TLL1: variants seen among roughly 807,000 people sequenced by gnomAD.
The protein encoded by TLL1 is tolloid like 1.
In TLL1, 49 loss-of-function variants were observed where a neutral mutation model predicts 128.2. The ratio of observed to expected loss-of-function variants is 0.38; its 90% CI spans 0.30 to 0.48. The LOEUF (loss-of-function observed/expected upper bound fraction) is 0.48. TLL1 is among the 20% of genes least tolerant of loss of function. The probability of loss-of-function intolerance (pLI) is 0.96; values close to 1 mark genes in which losing one functional copy is unlikely to be tolerated. For missense variants in TLL1, 1,123 were observed against 1,242.0 expected (o/e 0.90, Z 1.44); for synonymous variants, 454 against 418.8 (o/e 1.08, Z -1.03).
intron 1 of TLL1, among the ~76,000 whole-genome samples, chr4:165,877,681 A>G (rs1730776268): frequency 6.6e-6 from 1 of 152,164 alleles, no homozygotes; most frequent in African/African-American, 2.4e-5. Flanking sequence ...TGAACTGCGT[A>G]TTAACACATA....
At chr4:165,944,698 T>A (rs1170709168) in intron 1 of TLL1, among the ~76,000 whole-genome samples, 1 of 152,024 alleles carries the variant, frequency 6.6e-6, no homozygotes, top group Non-Finnish European at 1.5e-5. Context: ...TTGTACAGTA[T>A]CCAGGGAAGA....
chr4:166,042,020 C>T lies in TLL1; in HGVS notation c.1262-7C>T, dbSNP rs752571910. The T allele has an allele frequency of 6.3e-6, 10 of 1,590,662 alleles. No individual in the cohort carries two copies. Among genetic ancestry groups the T allele is most frequent in the Non-Finnish European group, 6.9e-6 (8 of 1,159,930 alleles). The stretch of plus-strand genomic sequence containing the variant: ...GGAGTTTCTCTTTATTCTTTTATTT[C>T]TTTTAGGTAGATTCTGTGGGGACAA... On this transcript the variant is annotated splice_polypyrimidine_tract_variant and splice_region_variant and intron_variant, in intron 10 of 20. Coordinates refer to ENST00000061240, the MANE Select transcript of TLL1 (RefSeq NM_012464.5).
chr4:166,086,542 C>G (rs1045915320), intron 18 of TLL1, among the ~76,000 whole-genome samples: 1 of 152,116 alleles, frequency 6.6e-6, no homozygotes, highest in Non-Finnish European at 1.5e-5. Context: ...GCTGACTCAG[C>G]TGGGACAACC....
At chr4:165,890,952 C>G (rs1413803001) in intron 1 of TLL1, among the ~76,000 whole-genome samples, 1 of 152,192 alleles carries the variant, frequency 6.6e-6, no homozygotes, top group African/African-American at 2.4e-5. Context: ...CAGGCACTTC[C>G]ATACATCTCT....
chr4:165,962,429 T>C lies in TLL1; in HGVS notation c.170-26952T>C, dbSNP rs56328112. 5.2e-3 allele frequency among the ~76,000 whole-genome samples: 792 copies of C among 152,274 alleles called. 12 individuals carry two copies. The highest frequency in any genetic ancestry group is 0.018 in the African/African-American group (737 of 41,556). Reference sequence around the variant, plus strand: ...TAAAAAGTCAAATAATAACAGGTGTTGGCTGTGCTGGCAGAGAGAATGAAA... The same window carrying C: ...TAAAAAGTCAAATAATAACAGGTGTCGGCTGTGCTGGCAGAGAGAATGAAA... On this transcript the variant is annotated intron_variant, in intron 1 of 20. Transcript: ENST00000061240.
intron 1 of TLL1, among the ~76,000 whole-genome samples, chr4:165,901,471 T>G (rs1274249370): frequency 6.6e-6 from 1 of 152,180 alleles, no homozygotes; most frequent in East Asian, 1.9e-4. Flanking sequence ...TCCTTTCTGT[T>G]TGTTAGTTTT....
At chr4:165,949,431 C>T (rs1734404447) in intron 1 of TLL1, among the ~76,000 whole-genome samples, 1 of 152,028 alleles carries the variant, frequency 6.6e-6, no homozygotes, top group Non-Finnish European at 1.5e-5. Context: ...GACTTCTGAC[C>T]AACAGAAACT....
At chr4:166,078,198 A>C (rs184728807) in intron 18 of TLL1, among the ~76,000 whole-genome samples, 168 bp downstream of exon 18, 1 of 152,238 alleles carries the variant, frequency 6.6e-6, no homozygotes, top group African/African-American at 2.4e-5. Flanking sequence ...TTGACTTCCT[A>C]GATCAAGGTG....
At chr4:166,083,282 G>A (rs533041278) in intron 18 of TLL1, among the ~76,000 whole-genome samples, 1 of 122,808 alleles carries the variant, frequency 8.1e-6, no homozygotes, top group African/African-American at 2.5e-5. Flanking sequence ...AGATAAAATT[G>A]CATGTATTTA....
chr4:165,957,965 G>T (rs1342240010), intron 1 of TLL1, among the ~76,000 whole-genome samples: 56 of 149,176 alleles, frequency 3.8e-4, no homozygotes, highest in South Asian at 1.1e-3. Context: ...GCGGTGTTTG[G>T]TTTTTTGTCC....
chr4:166,091,977 T>C (rs1024379286), intron 19 of TLL1, among the ~76,000 whole-genome samples: 6 of 152,066 alleles, frequency 3.9e-5, no homozygotes, highest in African/African-American at 1.4e-4. Flanking sequence ...TACTTATAGT[T>C]TGGAGACAGT....
Position 166,003,582 on chromosome 4 carries a change from G to C in TLL1, c.811+13G>C, listed in dbSNP as rs1560804195. On this transcript the variant is annotated intron_variant, in intron 6 of 20. Transcript: ENST00000061240. ...AACATCCAGCCAGGTGAGAGGCATA[G>C]AATGTGTTGGGTTTAAGGCTGACTG... The C allele has an allele frequency of 6.2e-7, 1 of 1,613,670 alleles. No homozygotes were observed. The highest frequency in any genetic ancestry group is 1.7e-5 in the Admixed American group (1 of 59,998).
chr4:166,064,418 A>C (rs1419433536), intron 15 of TLL1, among the ~76,000 whole-genome samples: 2 of 152,040 alleles, frequency 1.3e-5, no homozygotes, highest in Admixed American at 6.6e-5. Flanking sequence ...GGTTTTATAT[A>C]ATTGAGGTAT....
chr4:165,881,521 T>C (rs1730963974), intron 1 of TLL1, among the ~76,000 whole-genome samples: 1 of 152,246 alleles, frequency 6.6e-6, no homozygotes, highest in African/African-American at 2.4e-5. Context: ...GATTTCTTTG[T>C]TGAGAATGCC....
chr4:166,060,944 T>C (rs1187574462), intron 15 of TLL1, among the ~76,000 whole-genome samples: 1 of 152,208 alleles, frequency 6.6e-6, no homozygotes, highest in African/African-American at 2.4e-5. Context: ...TACGTTCTCT[T>C]CTTTTTCTAA....
At position 165,984,863 on chromosome 4, in the gene TLL1, G is replaced by A. The variant is rs572316889; in HGVS notation, c.170-4518G>A. ...AAAATGTTTATAACAGTAACCACTA[G>A]AGATTGAGGGGCTTGTAAATATTTA... is the stretch of plus-strand genomic sequence containing the variant. On this transcript the variant is annotated intron_variant, in intron 1 of 20. Transcript: ENST00000061240. Among the ~76,000 whole-genome samples the A allele has an allele frequency of 1.4e-4, 21 of 152,088 alleles. 1 individual carries two copies. The highest frequency in any genetic ancestry group is 1.4e-3 in the Admixed American group (21 of 15,238).
intron 1 of TLL1, among the ~76,000 whole-genome samples, chr4:165,935,643 G>A (rs888479711): frequency 6.6e-6 from 1 of 152,094 alleles, no homozygotes; most frequent in African/African-American, 2.4e-5. Context: ...AAATGTAACT[G>A]CAATCTTGAT....
chr4:166,026,800 T>A (rs1560820503), intron 9 of TLL1, among the ~76,000 whole-genome samples: 1 of 151,966 alleles, frequency 6.6e-6, no homozygotes, highest in South Asian at 2.1e-4. Flanking sequence ...GGGAAAAAAA[T>A]TTAAAAGATT....
chr4:165,953,961 G>C (rs1002030692), intron 1 of TLL1, among the ~76,000 whole-genome samples: 2 of 151,944 alleles, frequency 1.3e-5, no homozygotes, highest in Non-Finnish European at 1.5e-5. Context: ...TTCAAACATT[G>C]GTGCTCACCT....
Sources: gnomAD v4.1 joint callset for allele counts (sites outside exome capture counted in the v4.1 genomes callset) on GRCh38, gnomAD v4.1.1 for gene constraint, MANE v1.5 for transcripts, NCBI Gene and HGNC (gene_info 2026-07-23, HGNC 2026-07-21) for gene names.